Variants in USP54 observed in about 807,000 individuals in gnomAD.
USP54 encodes the protein ubiquitin specific peptidase 54.
Under a neutral mutation model 170.5 loss-of-function variants are expected in USP54, and 87 were observed. The observed-to-expected ratio is 0.51, with a 90% confidence interval of 0.43 to 0.61. USP54 has a LOEUF of 0.61. Among genes scored for constraint, USP54 ranks in the 20% least tolerant of loss-of-function variants. The pLI, the probability that USP54 is intolerant of heterozygous loss-of-function variation, is 0.00. For synonymous variants in USP54, 655 were observed against 742.8 expected, an observed-to-expected ratio of 0.88 and a Z score of 1.92; for missense variants, 1,786 against 2,047.8, an observed-to-expected ratio of 0.87 and a Z score of 2.47.
chr10:73,599,814 G>C (rs1457522756), intron 1 of USP54, among the ~76,000 whole-genome samples: 2 of 150,344 alleles, frequency 1.3e-5, no homozygotes, highest in Non-Finnish European at 2.9e-5. Flanking sequence ...CCATTTTACA[G>C]ATAAGGAAAC....
At chr10:73,500,559 G>T (rs1338069346) in intron 23 of USP54, 96 bp downstream of exon 23, 3 of 1,224,170 alleles carry the variant, frequency 2.5e-6, no homozygotes, top group Admixed American at 5.3e-5. Context: ...TCCACCTTGG[G>T]ATACCCCCCT....
intron 1 of USP54, among the ~76,000 whole-genome samples, chr10:73,621,191 G>A (rs904174189): frequency 6.7e-6 from 1 of 148,748 alleles, no homozygotes; most frequent in African/African-American, 2.6e-5. Flanking sequence ...TGTAAAATTT[G>A]AATTTCAACC....
rs1200883897 is a variant in USP54 at position 73,566,385 on chromosome 10, G to C, written c.240+5036C>G. ...CATTTACAATGAAGTCTCAAAAACA[G>C]ATAATTTTAAAATTAGATTAAGAAT... On this transcript the variant is annotated intron_variant, in intron 4 of 23. Transcript: ENST00000687698. Among the ~76,000 whole-genome samples the C allele has an allele frequency of 2.0e-5, 3 of 151,998 alleles. No homozygotes were observed. In the East Asian group the frequency reaches 5.8e-4, roughly 29 times the overall value.
chr10:73,553,089 T>C (rs2133625401), intron 4 of USP54: 1 of 152,148 alleles, frequency 6.6e-6, no homozygotes, highest in Non-Finnish European at 1.5e-5. Flanking sequence ...ATAACAAGGG[T>C]TTCAGTAGAG....
intron 1 of USP54, among the ~76,000 whole-genome samples, chr10:73,578,350 G>A (rs2133838990): frequency 6.6e-6 from 1 of 152,234 alleles, no homozygotes; most frequent in Middle Eastern, 3.4e-3. Flanking sequence ...TGTGAGGAGG[G>A]GAATTATAGT....
intron 21 of USP54, 66 bp from the exon 22 acceptor site, chr10:73,505,056 T>A: frequency 6.2e-7 from 1 of 1,602,818 alleles, no homozygotes; most frequent in East Asian, 2.2e-5. Context: ...CCACAGACAG[T>A]ATCCTCAGGG....
chr10:73,541,512 C>T lies in USP54; in HGVS notation c.688G>A (p.Gly230Arg). Residue 230 changes from glycine to arginine, a missense_variant, in exon 9 of 24, where the codon GGA becomes AGA. This residue lies in a region of USP54 where 361 missense variants were observed against 455.0 expected (regional missense o/e 0.79). Transcript: ENST00000687698. ...ACACGGCGAATCCTGATCCTCTCTC[C>T]ACAGTTGCTCTGAAATACATATATA... ...GDLRNCPSNC[G>R]ERIRIRRVLM... is the part of the protein sequence containing the mutation. The T allele has an allele frequency of 6.2e-7, 1 of 1,614,198 alleles. No individual in the cohort carries two copies. Among genetic ancestry groups the T allele is most frequent in the Non-Finnish European group, 8.5e-7 (1 of 1,180,038 alleles).
intron 1 of USP54, among the ~76,000 whole-genome samples, chr10:73,613,747 C>T (rs979740365): frequency 3.2e-4 from 48 of 151,640 alleles, no homozygotes; most frequent in Middle Eastern, 3.4e-3. Flanking sequence ...GGCGTGGTGG[C>T]GCGTGCCTGT....
chr10:73,570,966 C>T (rs1255835567), intron 4 of USP54, among the ~76,000 whole-genome samples: 2 of 151,770 alleles, frequency 1.3e-5, no homozygotes, highest in East Asian at 3.9e-4. Flanking sequence ...GGCGAAACCC[C>T]GTCTCTACTA....
At chr10:73,589,175 T>C (rs367733252) in intron 1 of USP54, among the ~76,000 whole-genome samples, 10 of 152,216 alleles carry the variant, frequency 6.6e-5, no homozygotes, top group African/African-American at 2.2e-4. Context: ...CTAAGTTTCA[T>C]GAGACCAATC....
chr10:73,625,507 C>CA (rs1472318859), intron 1 of USP54: 1 of 152,180 alleles, frequency 6.6e-6, no homozygotes, highest in East Asian at 1.9e-4. Flanking sequence ...CTCCTCCCTC[C>CA]ACCCCTCTAA....
In USP54 at chr10:73,516,733, G is replaced by A; in HGVS notation, c.3693C>T (p.Asp1231=). ...SGGQPRLAEP[D]IYQEKLSQVR... is the part of the protein sequence containing the mutation. ...CTTGGGACAGCTTCTCTTGGTATATGTCTGGCTCTGCCAACCTGGGCTGTC... is the reference window on the plus strand; with the variant it reads ...CTTGGGACAGCTTCTCTTGGTATATATCTGGCTCTGCCAACCTGGGCTGTC... Residue 1231 remains aspartate (D), a synonymous_variant, in exon 20 of 24, where the codon GAC becomes GAT. Coordinates refer to ENST00000687698, the MANE Select transcript of USP54 (RefSeq NM_001391956.1). 6.2e-7 allele frequency: 1 copy of A among 1,614,180 alleles called. No individual in the cohort carries two copies. The highest frequency in any genetic ancestry group is 8.5e-7 in the Non-Finnish European group (1 of 1,180,038).
intron 1 of USP54, among the ~76,000 whole-genome samples, chr10:73,623,131 G>T (rs1313649558): frequency 6.6e-6 from 1 of 150,392 alleles, no homozygotes; most frequent in African/African-American, 2.4e-5. Context: ...TAATCCCAGC[G>T]CTTTGGGAAG....
chr10:73,619,998 C>T (rs761342870), intron 1 of USP54, among the ~76,000 whole-genome samples: 3 of 150,412 alleles, frequency 2.0e-5, no homozygotes, highest in Non-Finnish European at 4.4e-5. Context: ...AGCTGTGTGA[C>T]TTTGGGTAAG....
chr10:73,539,309 T>TAAAAAAAAAAAAAAAA (rs2066049973), intron 10 of USP54, 135 bp downstream of exon 10: 1 of 204,898 alleles, frequency 4.9e-6, no homozygotes, highest in African/African-American at 2.7e-5. Flanking sequence ...AAAAAAAAAA[T>TAAAAAAAAAAAAAAAA]ATATATATAT....
Position 73,516,744 on chromosome 10 carries a change from C to T in USP54, c.3682G>A (p.Ala1228Thr), listed in dbSNP as rs1038115559. The change falls in exon 20 of 24, where the codon GCA (alanine) becomes ACA (threonine). Residue 1228 changes from alanine (A) to threonine (T), a missense_variant. Ala to Thr is a moderately conservative substitution (Grantham distance 58, BLOSUM62 0). This residue lies in a region of USP54 where 1,418 missense variants were observed against 1,569.0 expected (regional missense o/e 0.90). Coordinates refer to ENST00000687698, the MANE Select transcript of USP54 (RefSeq NM_001391956.1). ...ETSSGGQPRL[A>T]EPDIYQEKLS... Reference sequence around the variant, plus strand: ...TTCTCTTGGTATATGTCTGGCTCTGCCAACCTGGGCTGTCCTCCGCTAGAA... The same window carrying T: ...TTCTCTTGGTATATGTCTGGCTCTGTCAACCTGGGCTGTCCTCCGCTAGAA... 6.2e-7 allele frequency: 1 copy of T among 1,614,158 alleles called. No individual in the cohort carries two copies.
At chr10:73,574,680 G>A (rs992997738) in intron 3 of USP54, among the ~76,000 whole-genome samples, 1 of 151,996 alleles carries the variant, frequency 6.6e-6, no homozygotes, top group African/African-American at 2.4e-5. Flanking sequence ...GGGTGGCTGA[G>A]GCATGAGAAT....
At position 73,578,942 on chromosome 10, in the gene USP54, CTT is replaced by C. The variant is rs34362461; in HGVS notation, c.-581-2583_-581-2582del. 2.7e-3 allele frequency among the ~76,000 whole-genome samples: 367 copies of C among 133,888 alleles called. 3 individuals are homozygous for C. The highest frequency in any genetic ancestry group is 8.5e-3 in the African/African-American group (304 of 35,582). 87.8% of individuals were successfully genotyped at this position (133,888 alleles called of 152,430 possible). ...ATAACCTTTGGTTGGGCAAAGATTC[CTT>C]TTTTTTTTTTTTTTTTGAGACAGTC... On this transcript the variant is annotated intron_variant, in intron 1 of 23. Transcript: ENST00000687698.
chr10:73,526,741 G>A lies in USP54; in HGVS notation c.2100C>T (p.Ser700=), dbSNP rs2062937336. ...TGTGCGACTTTGGGATATGACGCCA[G>A]GAAGGAACCAACCCAGCTGATCTCT... ...SAKRSAGLVP[S]WRHIPKSHSS... is the part of the protein sequence containing the mutation. The change falls in exon 16 of 24, where the codon TCC becomes TCT. Residue 700 remains serine, a synonymous_variant. Coordinates refer to ENST00000687698, the MANE Select transcript of USP54 (RefSeq NM_001391956.1). 1.2e-6 allele frequency: 2 copies of A among 1,613,960 alleles called. No individual in the cohort carries two copies. Among genetic ancestry groups the A allele is most frequent in the African/African-American group, 1.3e-5 (1 of 74,882 alleles).
Sources: allele counts gnomAD v4.1 joint callset (sites outside exome capture counted in the v4.1 genomes callset), GRCh38; gene constraint gnomAD v4.1.1; regional missense constraint gnomAD v4.1.1; transcripts MANE v1.5; gene names NCBI Gene and HGNC (gene_info 2026-07-23, HGNC 2026-07-21).